CTNNA3: variants seen among roughly 807,000 people sequenced by gnomAD.
The protein encoded by CTNNA3 is catenin alpha 3, also known as catenin alpha-3.
In CTNNA3, 76 loss-of-function variants were observed where a neutral mutation model predicts 95.7. The ratio of observed to expected loss-of-function variants is 0.79; its 90% CI spans 0.66 to 0.96. CTNNA3 has a LOEUF of 0.96. Among genes scored for constraint, CTNNA3 ranks in the 40% least tolerant of loss-of-function variants. The pLI is 0.00. For missense variants in CTNNA3, 1,191 were observed against 1,089.8 expected, an observed-to-expected ratio of 1.09 and a Z score of -1.31; for synonymous variants, 431 against 374.4, an observed-to-expected ratio of 1.15 and a Z score of -1.74.
At chr10:67,159,352 C>G (rs537262161) in intron 7 of CTNNA3, among the ~76,000 whole-genome samples, 5 of 152,168 alleles carry the variant, frequency 3.3e-5, no homozygotes, top group African/African-American at 1.2e-4. Context: ...CCTTCTATAA[C>G]TCAGTGTCTG....
At chr10:67,125,414 A>T (rs1443207112) in intron 7 of CTNNA3, among the ~76,000 whole-genome samples, 1 of 152,090 alleles carries the variant, frequency 6.6e-6, no homozygotes, top group East Asian at 1.9e-4. Flanking sequence ...TTCATTTTAT[A>T]AAAAAATGAA....
At chr10:66,328,467 T>C (rs187276307) in intron 12 of CTNNA3, among the ~76,000 whole-genome samples, 2 of 152,204 alleles carry the variant, frequency 1.3e-5, no homozygotes, top group East Asian at 1.9e-4. Context: ...TCATTCTGAA[T>C]CCTTGTCAAT....
chr10:67,470,335 T>C (rs2133024443), intron 5 of CTNNA3, among the ~76,000 whole-genome samples: 1 of 152,338 alleles, frequency 6.6e-6, no homozygotes, highest in African/African-American at 2.4e-5. Context: ...ACATTTTCTT[T>C]ATCCATTCAT....
At chr10:66,338,231 A>T (rs913728137) in intron 12 of CTNNA3, among the ~76,000 whole-genome samples, 4 of 151,978 alleles carry the variant, frequency 2.6e-5, no homozygotes, top group Non-Finnish European at 5.9e-5. Flanking sequence ...TCGATTATAT[A>T]AGATGTCATA....
intron 11 of CTNNA3, among the ~76,000 whole-genome samples, chr10:66,461,780 TCTA>T (rs2093531108): frequency 6.6e-6 from 1 of 151,106 alleles, no homozygotes; most frequent in Non-Finnish European, 1.5e-5. Flanking sequence ...TTCTCTTCCT[TCTA>T]CTGCTGAAGT....
rs563250991 is a variant in CTNNA3, at chr10:67,059,463, G to A, written c.1047+120854C>T. The stretch of plus-strand genomic sequence containing the variant: ...CACAGACAGATTGTAAGAGACACTC[G>A]ATGGCAAGAATGAATTTAGGTCGAA... On this transcript the variant is annotated intron_variant, in intron 7 of 17. Coordinates refer to ENST00000433211, the MANE Select transcript of CTNNA3 (RefSeq NM_013266.4). Among the ~76,000 whole-genome samples, 18 of 152,240 alleles carry A rather than the reference G, an allele frequency of 1.2e-4. No homozygotes were observed. In the East Asian group the frequency reaches 3.3e-3, roughly 28 times the overall value.
chr10:66,418,899 C>A (rs1407828109), intron 11 of CTNNA3, among the ~76,000 whole-genome samples: 1 of 152,018 alleles, frequency 6.6e-6, no homozygotes, highest in Non-Finnish European at 1.5e-5. Flanking sequence ...CCATATATGT[C>A]AAATCCACAA....
intron 13 of CTNNA3, among the ~76,000 whole-genome samples, chr10:66,193,844 C>T (rs2086806735): frequency 6.6e-6 from 1 of 152,132 alleles, no homozygotes; most frequent in African/African-American, 2.4e-5. Flanking sequence ...GCATAATACT[C>T]ATTGAAATCA....
chr10:66,783,647 G>T (rs1564680464), intron 7 of CTNNA3, among the ~76,000 whole-genome samples: 1 of 151,872 alleles, frequency 6.6e-6, no homozygotes, highest in Non-Finnish European at 1.5e-5. Flanking sequence ...AGCTCATATG[G>T]CAACGACTTT....
At chr10:67,637,471 C>T (rs1839358757) in intron 2 of CTNNA3, among the ~76,000 whole-genome samples, 1 of 152,182 alleles carries the variant, frequency 6.6e-6, no homozygotes, top group Admixed American at 6.5e-5. Context: ...CTTCCCCAAT[C>T]TAGCAAGGCA....
At chr10:66,509,103 C>T (rs2131986655) in intron 11 of CTNNA3, among the ~76,000 whole-genome samples, 1 of 152,066 alleles carries the variant, frequency 6.6e-6, no homozygotes, top group South Asian at 2.1e-4. Context: ...GAGATGATAC[C>T]TCATTGTGGT....
intron 5 of CTNNA3, among the ~76,000 whole-genome samples, chr10:67,394,655 C>T (rs961988871): frequency 6.6e-6 from 1 of 151,916 alleles, no homozygotes; most frequent in Non-Finnish European, 1.5e-5. Context: ...AGTAAAATAC[C>T]AATCTGATTA....
At chr10:66,481,762 C>T (rs926389758) in intron 11 of CTNNA3, among the ~76,000 whole-genome samples, 2 of 151,180 alleles carry the variant, frequency 1.3e-5, no homozygotes, top group Non-Finnish European at 2.9e-5. Flanking sequence ...TGAGCCACCG[C>T]GTTGTTTCTT....
At chr10:66,717,574 C>G (rs4746634) in intron 9 of CTNNA3, among the ~76,000 whole-genome samples, 1 of 152,016 alleles carries the variant, frequency 6.6e-6, no homozygotes, top group African/African-American at 2.4e-5. Flanking sequence ...CCTGGATAAG[C>G]TGGCATGTGG....
At chr10:66,848,451 G>A (rs1236069582) in intron 7 of CTNNA3, among the ~76,000 whole-genome samples, 2 of 152,058 alleles carry the variant, frequency 1.3e-5, no homozygotes, top group Admixed American at 6.6e-5. Context: ...ATGTTCACTT[G>A]TGAAAAATGA....
chr10:66,907,394 A>C (rs1001608233), intron 7 of CTNNA3, among the ~76,000 whole-genome samples: 2 of 152,206 alleles, frequency 1.3e-5, no homozygotes, highest in South Asian at 4.1e-4. Context: ...TTTTCACTTG[A>C]GCCTCTTAGA....
chr10:66,691,602 G>A (rs1357927422), intron 9 of CTNNA3, among the ~76,000 whole-genome samples: 1 of 152,184 alleles, frequency 6.6e-6, no homozygotes, highest in Admixed American at 6.5e-5. Context: ...GCTCTGAAGA[G>A]AGCAGTGGTT....
At chr10:66,481,645 G>C (rs186425680) in intron 11 of CTNNA3, among the ~76,000 whole-genome samples, 2 of 145,234 alleles carry the variant, frequency 1.4e-5, no homozygotes, top group Admixed American at 6.7e-5. Context: ...CTAATTTTTT[G>C]TATTTTTAGT....
intron 15 of CTNNA3, among the ~76,000 whole-genome samples, chr10:66,056,151 C>G (rs2080082706): frequency 6.6e-6 from 1 of 151,978 alleles, no homozygotes; most frequent in Non-Finnish European, 1.5e-5. Flanking sequence ...GTGATGCTAG[C>G]TGTGGGTTTG....
Sources: gnomAD v4.1 joint callset for allele counts (sites outside exome capture counted in the v4.1 genomes callset) on GRCh38, gnomAD v4.1.1 for gene constraint, MANE v1.5 for transcripts, NCBI Gene and HGNC (gene_info 2026-07-23, HGNC 2026-07-21) for gene names.